The following MPZL3 variants were observed in gnomAD, a reference collection of about 807,000 sequenced individuals.
MPZL3 encodes the protein myelin protein zero-like protein 3.
A neutral mutation model predicts 24.8 loss-of-function variants in MPZL3; 23 were observed. That is an observed-to-expected ratio of 0.93 (90% confidence interval 0.67 to 1.31). The LOEUF (loss-of-function observed/expected upper bound fraction) is 1.31. MPZL3 is among the 40% of genes most tolerant of loss of function. The pLI, the probability that MPZL3 is intolerant of heterozygous loss-of-function variation, is 0.00. For missense variants in MPZL3, 277 were observed against 294.9 expected, an observed-to-expected ratio of 0.94 and a Z score of 0.44; for synonymous variants, 99 against 106.5, an observed-to-expected ratio of 0.93 and a Z score of 0.44.
chr11:118,235,245 C>G (rs1949407615), intron 4 of MPZL3, among the ~76,000 whole-genome samples, 179 bp downstream of exon 4: 1 of 152,186 alleles, frequency 6.6e-6, no homozygotes, highest in Non-Finnish European at 1.5e-5. Context: ...AATTAATATT[C>G]ACACACATCA....
At position 118,233,486 on chromosome 11, in the gene MPZL3, G is replaced by A. The variant is rs1206183927; in HGVS notation, c.655C>T (p.Leu219Phe). The change falls in exon 5 of 6, where the codon CTT (leucine) becomes TTT (phenylalanine). Residue 219 changes from leucine (L) to phenylalanine (F), a missense_variant. Coordinates refer to ENST00000278949, the MANE Select transcript of MPZL3 (RefSeq NM_198275.3). ...QEEEEACMAR[L>F]CVRCAECLDS... Reference sequence around the variant, plus strand: ...AGGCACTCAGCGCAACGGACACAAAGCCTCGCCATACACGCCTCTTCCTCC... The same window carrying A: ...AGGCACTCAGCGCAACGGACACAAAACCTCGCCATACACGCCTCTTCCTCC... The A allele has an allele frequency of 6.2e-7, 1 of 1,613,828 alleles. No individual in the cohort carries two copies. Among genetic ancestry groups the A allele is most frequent in the African/African-American group, 1.3e-5 (1 of 74,970 alleles).
chr11:118,249,042 T>TTTTGTTTG (rs10657996), intron 1 of MPZL3, among the ~76,000 whole-genome samples: 3 of 151,272 alleles, frequency 2.0e-5, no homozygotes, highest in African/African-American at 7.3e-5. Context: ...TCGGTTTGTT[T>TTTTGTTTG]TTTGTTTGTT....
intron 1 of MPZL3, among the ~76,000 whole-genome samples, chr11:118,242,799 T>G (rs1317590196): frequency 1.3e-5 from 2 of 152,138 alleles, no homozygotes; most frequent in Non-Finnish European, 2.9e-5. Context: ...AGGTACATAA[T>G]CCTGCACAGG....
rs1457487938 is a variant in MPZL3, at chr11:118,252,255, G to C, written c.40C>G (p.Leu14Val). The C allele has an allele frequency of 6.2e-7, 1 of 1,614,010 alleles. No individual in the cohort carries two copies. Among genetic ancestry groups the C allele is most frequent in the Admixed American group, 1.7e-5 (1 of 60,026 alleles). The change falls in exon 1 of 6, where the codon CTC becomes GTC. Residue 14 changes from leucine to valine, a missense_variant. Leu to Val is a conservative substitution (Grantham distance 32). Coordinates refer to ENST00000278949, the MANE Select transcript of MPZL3 (RefSeq NM_198275.3). ...RGAAGSRGCA[L>V]FPLLGVLFFQ... ...AACAGGACGCCCAGCAGAGGGAAGAGAGCGCAGCCACGGCTTCCAGCTGCT... is the reference window on the plus strand; with the variant it reads ...AACAGGACGCCCAGCAGAGGGAAGACAGCGCAGCCACGGCTTCCAGCTGCT...
At chr11:118,239,856 G>C (rs1949471272) in intron 2 of MPZL3, among the ~76,000 whole-genome samples, 1 of 152,136 alleles carries the variant, frequency 6.6e-6, no homozygotes, top group South Asian at 2.1e-4. Flanking sequence ...GTCCATGACT[G>C]GACCCATAGA....
chr11:118,246,140 C>T (rs1591498012), intron 1 of MPZL3, among the ~76,000 whole-genome samples: 1 of 152,200 alleles, frequency 6.6e-6, no homozygotes, highest in Non-Finnish European at 1.5e-5. Context: ...ATATCTAATG[C>T]TATTCTTTTC....
chr11:118,246,585 C>CTTTTTTTTTTTTTTTTTTTT (rs71301655), intron 1 of MPZL3, among the ~76,000 whole-genome samples: 3 of 123,280 alleles, frequency 2.4e-5, no homozygotes, highest in East Asian at 2.2e-4. Context: ...TTTTTCTTTT[C>CTTTTTTTTTTTTTTTTTTTT]TTTTTTTTTT....
intron 1 of MPZL3, 81 bp from the exon 2 acceptor site, chr11:118,240,458 G>A (rs1648117287): frequency 7.1e-7 from 1 of 1,417,082 alleles, no homozygotes; most frequent in Non-Finnish European, 9.5e-7. Context: ...TATTTTTAGA[G>A]CCCTCATCAA....
intron 1 of MPZL3, among the ~76,000 whole-genome samples, chr11:118,240,587 C>A (rs953471394): frequency 6.6e-6 from 1 of 152,194 alleles, no homozygotes; most frequent in African/African-American, 2.4e-5. Context: ...TCTTAAATCA[C>A]AACTGAATGC....
At chr11:118,240,919 A>C (rs554544621) in intron 1 of MPZL3, among the ~76,000 whole-genome samples, 1 of 152,222 alleles carries the variant, frequency 6.6e-6, no homozygotes, top group Non-Finnish European at 1.5e-5. Context: ...ATTTCAAATA[A>C]TTTTCTAAAA....
chr11:118,237,993 C>A (rs973944620), intron 2 of MPZL3, among the ~76,000 whole-genome samples: 1 of 151,984 alleles, frequency 6.6e-6, no homozygotes, highest in African/African-American at 2.4e-5. Flanking sequence ...AAAAATTAGC[C>A]AGGTGTGGTG....
intron 1 of MPZL3, 77 bp downstream of exon 1, chr11:118,252,145 C>G: frequency 6.6e-7 from 1 of 1,507,408 alleles, no homozygotes; most frequent in Non-Finnish European, 9.2e-7. Flanking sequence ...GGAGACCCCC[C>G]TACCCGGAAC....
Position 118,226,841 on chromosome 11 carries a change from A to G in MPZL3, c.*3053T>C, listed in dbSNP as rs1949277704. ...AATGAGGTGCAGCAGTTAACAGCCC[A>G]ACACTGGAGTCAAAGGAATGGAGCT... On this transcript the variant is annotated 3_prime_UTR_variant, in exon 6 of 6. Coordinates refer to ENST00000278949, the MANE Select transcript of MPZL3 (RefSeq NM_198275.3). 1 of 152,266 alleles carries G rather than the reference A, an allele frequency of 6.6e-6. No homozygotes were observed. Among genetic ancestry groups the G allele is most frequent in the African/African-American group, 2.4e-5 (1 of 41,458 alleles). The allele number at this position is 152,266 out of a possible 1,614,324, so 9.4% of individuals were successfully genotyped here. A position where few individuals can be genotyped will look rare whatever the true frequency, so the allele number is the denominator to read the frequency against.
chr11:118,241,102 C>G (rs957946903), intron 1 of MPZL3, among the ~76,000 whole-genome samples: 13 of 152,200 alleles, frequency 8.5e-5, no homozygotes, highest in African/African-American at 3.1e-4. Context: ...TCCAAAACCA[C>G]TCATTTATCC....
chr11:118,235,377 G>A lies in MPZL3; in HGVS notation c.617+47C>T, dbSNP rs200184432. On this transcript the variant is annotated intron_variant, in intron 4 of 5. Transcript: ENST00000278949. ...GTGGATGTGGGGGTCTGGGTAGAGC[G>A]CTAAGGAGGAAACAGGCTTGCTGCC... The A allele has an allele frequency of 1.7e-4, 278 of 1,602,504 alleles. No individual in the cohort carries two copies. In the East Asian group the frequency reaches 2.5e-3, roughly 14 times the overall value.
rs757217363 is a variant in MPZL3 at position 118,229,656 on chromosome 11, A to G, written c.*238T>C. ...AAGAATTTCTTCATTCAATTACAGC[A>G]TAATTCATTGAAAGGGGAAGTCATG... On this transcript the variant is annotated 3_prime_UTR_variant, in exon 6 of 6. Transcript: ENST00000278949. 2 of 419,646 alleles carry G rather than the reference A, an allele frequency of 4.8e-6. No individual in the cohort carries two copies. The highest frequency in any genetic ancestry group is 4.2e-6 in the Non-Finnish European group (1 of 235,618). 26.0% of individuals were successfully genotyped at this position (419,646 alleles called of 1,614,324 possible). A position where few individuals can be genotyped will look rare whatever the true frequency, so the allele number is the denominator to read the frequency against.
At position 118,227,088 on chromosome 11, in the gene MPZL3, A is replaced by T. The variant is rs537088539; in HGVS notation, c.*2806T>A. The T allele has an allele frequency of 6.6e-6, 1 of 152,354 alleles. No homozygotes were observed. The highest frequency in any genetic ancestry group is 6.5e-5 in the Admixed American group (1 of 15,302). 9.4% of individuals were successfully genotyped at this position (152,354 alleles called of 1,614,324 possible). On this transcript the variant is annotated 3_prime_UTR_variant, in exon 6 of 6. Transcript: ENST00000278949. ...CCAGTGCTGGGTTCAGGAGCTACAGAGGACTAAGATGTTCCCCAAGTAGCC... is the reference window on the plus strand; with the variant it reads ...CCAGTGCTGGGTTCAGGAGCTACAGTGGACTAAGATGTTCCCCAAGTAGCC...
chr11:118,233,391 G>A (rs756327538), intron 5 of MPZL3, 69 bp downstream of exon 5: 383 of 1,544,940 alleles, frequency 2.5e-4, no homozygotes, highest in Non-Finnish European at 3.1e-4. Flanking sequence ...GAGGGCATAG[G>A]ATGGATCCTC....
intron 1 of MPZL3, among the ~76,000 whole-genome samples, chr11:118,249,024 T>C (rs906123994): frequency 1.5e-5 from 2 of 136,430 alleles, no homozygotes; most frequent in African/African-American, 5.8e-5. Flanking sequence ...CTTTACAGAC[T>C]AATATTTTCG....
Sources: allele counts gnomAD v4.1 joint callset (sites outside exome capture counted in the v4.1 genomes callset), GRCh38; gene constraint gnomAD v4.1.1; transcripts MANE v1.5; gene names NCBI Gene and HGNC (gene_info 2026-07-23, HGNC 2026-07-21).